The following TANGO6 variants were observed in gnomAD, a reference collection of about 807,000 sequenced individuals.
TANGO6 encodes the protein transport and Golgi organization protein 6 homolog.
Under a neutral mutation model 114.2 loss-of-function variants are expected in TANGO6, and 90 were observed. The observed-to-expected ratio is 0.79, with a 90% CI of 0.66 to 0.94. The LOEUF is 0.94. TANGO6 is among the 40% of genes least tolerant of loss of function. TANGO6 has a pLI of 0.00. For missense variants in TANGO6, 1,274 were observed against 1,315.3 expected (o/e 0.97, Z 0.49); for synonymous variants, 477 against 509.8 (o/e 0.94, Z 0.87).
intron 17 of TANGO6, among the ~76,000 whole-genome samples, chr16:69,079,596 C>T (rs995375593): frequency 6.6e-6 from 1 of 151,438 alleles, no homozygotes. Flanking sequence ...GGAGTTTTTA[C>T]GAATCATTAA....
chr16:69,032,875 C>CAA (rs11300295), intron 16 of TANGO6, among the ~76,000 whole-genome samples: 2 of 124,122 alleles, frequency 1.6e-5, no homozygotes, highest in East Asian at 2.4e-4. Flanking sequence ...GACTCCATCT[C>CAA]AAAAAAAAAA....
chr16:69,000,791 C>T (rs1964034679), intron 15 of TANGO6, among the ~76,000 whole-genome samples: 1 of 152,096 alleles, frequency 6.6e-6, no homozygotes, highest in Non-Finnish European at 1.5e-5. Flanking sequence ...CGGGGCTTCA[C>T]CATGTGGCCA....
Position 68,994,462 on chromosome 16 carries a change from C to A in TANGO6, c.2842+20294C>A, listed in dbSNP as rs75523800. On this transcript the variant is annotated intron_variant, in intron 15 of 17. Coordinates refer to ENST00000261778, the MANE Select transcript of TANGO6 (RefSeq NM_024562.2). ...GAAAGTAATCAAATTTCAGACATTG[C>A]CCTACCTTCAAATCTTTCTCTTATT... 4.4e-4 allele frequency among the ~76,000 whole-genome samples: 67 copies of A among 152,228 alleles called. No individual in the cohort carries two copies. In the East Asian group the frequency reaches 0.01, roughly 23 times the overall value.
At chr16:69,028,640 A>C (rs1231493748) in intron 16 of TANGO6, among the ~76,000 whole-genome samples, 2 of 152,058 alleles carry the variant, frequency 1.3e-5, no homozygotes, top group Non-Finnish European at 2.9e-5. Context: ...CTCAAAAAAA[A>C]CTAAAAATTA....
At chr16:68,869,059 T>C (rs1175399623) in intron 4 of TANGO6, among the ~76,000 whole-genome samples, 1 of 152,248 alleles carries the variant, frequency 6.6e-6, no homozygotes. Flanking sequence ...TACTTTCTTT[T>C]TTTACATAAT....
At chr16:68,930,326 T>G (rs1963222491) in intron 14 of TANGO6, 31 bp downstream of exon 14, 3 of 1,516,642 alleles carry the variant, frequency 2.0e-6, no homozygotes, top group Non-Finnish European at 9.0e-7. Flanking sequence ...GGACTTTAAG[T>G]ATGTGGACCA....
At chr16:68,901,151 G>T (rs1962779099) in intron 8 of TANGO6, among the ~76,000 whole-genome samples, 1 of 152,114 alleles carries the variant, frequency 6.6e-6, no homozygotes, top group Non-Finnish European at 1.5e-5. Context: ...ACGATTTTTG[G>T]TGTTTGGAGA....
chr16:69,030,477 C>G (rs1200430683), intron 16 of TANGO6, among the ~76,000 whole-genome samples: 2 of 151,658 alleles, frequency 1.3e-5, no homozygotes, highest in Admixed American at 1.3e-4. Flanking sequence ...GTGCAAAGGG[C>G]GTGAGATGGC....
chr16:68,871,688 T>C (rs1465942769), intron 4 of TANGO6, among the ~76,000 whole-genome samples: 4 of 152,148 alleles, frequency 2.6e-5, no homozygotes, highest in East Asian at 3.9e-4. Context: ...GGCATGATCT[T>C]GGTTCACTGC....
At chr16:68,974,277 T>G (rs1241394242) in intron 15 of TANGO6, 109 bp downstream of exon 15, 4 of 1,320,808 alleles carry the variant, frequency 3.0e-6, no homozygotes, top group Non-Finnish European at 4.3e-6. Flanking sequence ...TGAGGGTAGT[T>G]TGAGGGCTGG....
intron 15 of TANGO6, among the ~76,000 whole-genome samples, chr16:68,982,375 G>A (rs1212279377): frequency 4.0e-5 from 6 of 151,862 alleles, no homozygotes; most frequent in East Asian, 1.9e-4. Flanking sequence ...TCACTTTGTC[G>A]CCCAGGCTGG....
intron 12 of TANGO6, among the ~76,000 whole-genome samples, chr16:68,920,252 G>C (rs1963071633): frequency 6.6e-6 from 1 of 152,170 alleles, no homozygotes; most frequent in South Asian, 2.1e-4. Flanking sequence ...GGTACCAAGA[G>C]CACATAACAT....
In TANGO6 at chr16:68,919,073, T is replaced by G. The variant is rs769969246; in HGVS notation, c.1993-12T>G. 1.9e-6 allele frequency: 3 copies of G among 1,601,654 alleles called. No individual in the cohort carries two copies. Among genetic ancestry groups the G allele is most frequent in the African/African-American group, 2.7e-5 (2 of 74,432 alleles). ...CATTCCTCATTGATTCTCAATTCCCTTTTTTGGGTAGGTGGTGGACTTTGT... is the reference window on the plus strand; with the variant it reads ...CATTCCTCATTGATTCTCAATTCCCGTTTTTGGGTAGGTGGTGGACTTTGT... On this transcript the variant is annotated splice_polypyrimidine_tract_variant and intron_variant, in intron 11 of 17. Transcript: ENST00000261778.
chr16:68,862,631 G>A (rs2071308373), intron 2 of TANGO6, among the ~76,000 whole-genome samples: 1 of 152,236 alleles, frequency 6.6e-6, no homozygotes, highest in Non-Finnish European at 1.5e-5. Flanking sequence ...AGAAGAAAAT[G>A]TGCAGTCACT....
chr16:68,847,931 CA>C (rs1457404301), intron 1 of TANGO6, among the ~76,000 whole-genome samples: 1 of 143,304 alleles, frequency 7.0e-6, no homozygotes, highest in Non-Finnish European at 1.5e-5. Flanking sequence ...ACCCAGGAGG[CA>C]GAGGTTGCAG....
At chr16:68,936,636 A>G (rs1963301680) in intron 14 of TANGO6, among the ~76,000 whole-genome samples, 1 of 152,128 alleles carries the variant, frequency 6.6e-6, no homozygotes, top group Non-Finnish European at 1.5e-5. Context: ...CACCCTGCCT[A>G]TAGCCAGATT....
rs1959427890 is a variant in TANGO6, at chr16:69,022,678, T to A, written c.2843-150T>A. The A allele has an allele frequency of 7.5e-6, 6 of 801,718 alleles. 1 individual carries two copies. The Admixed American group carries it at 1.8e-4, about 24-fold the overall frequency. 49.7% of individuals were successfully genotyped at this position (801,718 alleles called of 1,614,324 possible). Reference sequence around the variant, plus strand: ...GTGATTGTGCCACTGCACTCCAGTCTGGGCAATACAGCAAGACCCTGTCTC... The same window carrying A: ...GTGATTGTGCCACTGCACTCCAGTCAGGGCAATACAGCAAGACCCTGTCTC... On this transcript the variant is annotated intron_variant, in intron 15 of 17. Coordinates refer to ENST00000261778, the MANE Select transcript of TANGO6 (RefSeq NM_024562.2).
chr16:68,931,254 A>C (rs1466665753), intron 14 of TANGO6, among the ~76,000 whole-genome samples: 2 of 152,166 alleles, frequency 1.3e-5, no homozygotes, highest in Non-Finnish European at 2.9e-5. Context: ...CAAATTACTT[A>C]ATCCCTGTGG....
At chr16:68,848,552 A>T (rs915154078) in intron 1 of TANGO6, among the ~76,000 whole-genome samples, 4 of 152,130 alleles carry the variant, frequency 2.6e-5, no homozygotes, top group Non-Finnish European at 4.4e-5. Flanking sequence ...TAATTAGGTA[A>T]AAAGAAAAAT....
Sources: allele counts gnomAD v4.1 joint callset (sites outside exome capture counted in the v4.1 genomes callset), GRCh38; gene constraint gnomAD v4.1.1; transcripts MANE v1.5; gene names NCBI Gene and HGNC (gene_info 2026-07-23, HGNC 2026-07-21).